The following PTPN13 variants were observed in gnomAD, a reference collection of about 807,000 sequenced individuals.
PTPN13 encodes the protein tyrosine-protein phosphatase non-receptor type 13.
In PTPN13, 191 loss-of-function variants were observed where a neutral mutation model predicts 284.0. The ratio of observed to expected loss-of-function variants is 0.67; its 90% CI spans 0.60 to 0.76. The LOEUF (loss-of-function observed/expected upper bound fraction) is 0.76. PTPN13 is among the 30% of genes least tolerant of loss of function. The pLI is 0.00. For synonymous variants in PTPN13, 986 were observed against 1,022.3 expected (o/e 0.96, Z 0.68); for missense variants, 2,797 against 2,939.9 (o/e 0.95, Z 1.12).
chr4:86,804,796 T>C (rs1744478538), intron 43 of PTPN13, among the ~76,000 whole-genome samples: 1 of 152,218 alleles, frequency 6.6e-6, no homozygotes, highest in African/African-American at 2.4e-5. Flanking sequence ...ACCTTGCATA[T>C]AATGAGCATG....
chr4:86,659,876 G>A (rs183652818), intron 2 of PTPN13, among the ~76,000 whole-genome samples: 7 of 151,644 alleles, frequency 4.6e-5, no homozygotes, highest in South Asian at 2.1e-4. Context: ...AAAGCCACAC[G>A]TGCCTGATAG....
At chr4:86,658,089 T>C (rs1726064020) in intron 2 of PTPN13, among the ~76,000 whole-genome samples, 2 of 152,236 alleles carry the variant, frequency 1.3e-5, no homozygotes, top group Admixed American at 6.5e-5. Context: ...TTTAGTCAGC[T>C]GGTGGGGAAG....
chr4:86,594,508 G>A lies in PTPN13; in HGVS notation c.-287G>A. ...CTTGGAGAGGCGTCGAGCACAGTAG[G>A]GCGGCGGGGGTGCGTTGAGCGCTCG... On this transcript the variant is annotated 5_prime_UTR_variant, in exon 1 of 48. Coordinates refer to ENST00000411767, the MANE Select transcript of PTPN13 (RefSeq NM_080683.3). 6.5e-6 allele frequency: 1 copy of A among 152,674 alleles called. No individual in the cohort carries two copies. Among genetic ancestry groups the A allele is most frequent in the Non-Finnish European group, 1.5e-5 (1 of 68,232 alleles). The allele number at this position is 152,674 out of a possible 1,614,324, so 9.5% of individuals were successfully genotyped here.
chr4:86,709,918 A>T (rs950658131), intron 7 of PTPN13, among the ~76,000 whole-genome samples: 1 of 152,168 alleles, frequency 6.6e-6, no homozygotes, highest in Non-Finnish European at 1.5e-5. Flanking sequence ...TTCTTTACTT[A>T]CATACATTCA....
intron 2 of PTPN13, among the ~76,000 whole-genome samples, chr4:86,661,353 C>T (rs1439690315): frequency 1.3e-5 from 2 of 152,004 alleles, no homozygotes; most frequent in Admixed American, 6.6e-5. Flanking sequence ...TATCTTTTCT[C>T]CAATATAGAA....
rs78329710 is a variant in PTPN13 at position 86,691,526 on chromosome 4, G to A, written c.547-2061G>A. Among the ~76,000 whole-genome samples the A allele has an allele frequency of 2.7e-3, 407 of 152,242 alleles. 1 individual carries two copies. Among genetic ancestry groups the A allele is most frequent in the Non-Finnish European group, 4.6e-3 (314 of 68,014 alleles). On this transcript the variant is annotated intron_variant, in intron 5 of 47. Coordinates refer to ENST00000411767, the MANE Select transcript of PTPN13 (RefSeq NM_080683.3). ...TTCCTCATCTCCTAGACATCACTGG[G>A]TAGAAGTAACTCCAACAGCTACTGT...
rs1435286043 is a variant in PTPN13 at position 86,689,267 on chromosome 4, C to G, written c.546+77C>G. On this transcript the variant is annotated intron_variant, in intron 5 of 47. Transcript: ENST00000411767. ...TATCACAAAATTTTCTTTAAGGATA[C>G]TATATAGGTAGCATTTTCTCAATGA... The G allele has an allele frequency of 5.4e-5, 64 of 1,178,824 alleles. No homozygotes were observed. In the Middle Eastern group the frequency reaches 8.2e-4, roughly 15 times the overall value. 73.0% of individuals were successfully genotyped at this position (1,178,824 alleles called of 1,614,324 possible).
chr4:86,643,691 A>T (rs965732760), intron 2 of PTPN13, among the ~76,000 whole-genome samples: 1 of 152,198 alleles, frequency 6.6e-6, no homozygotes, highest in African/African-American at 2.4e-5. Context: ...CACTTCTTTT[A>T]TTTATGGAAT....
At chr4:86,655,803 G>T (rs531184197) in intron 2 of PTPN13, among the ~76,000 whole-genome samples, 1 of 152,088 alleles carries the variant, frequency 6.6e-6, no homozygotes, top group African/African-American at 2.4e-5. Flanking sequence ...TGCTAGGTTG[G>T]GGAAGTTCTC....
intron 9 of PTPN13, among the ~76,000 whole-genome samples, chr4:86,718,306 C>T (rs931914815): frequency 1.3e-5 from 2 of 152,154 alleles, no homozygotes; most frequent in African/African-American, 4.8e-5. Flanking sequence ...TGCCCCTTAG[C>T]TAATTAATTC....
chr4:86,675,287 C>T (rs1343114075), intron 3 of PTPN13, among the ~76,000 whole-genome samples: 4 of 152,100 alleles, frequency 2.6e-5, no homozygotes, highest in Non-Finnish European at 5.9e-5. Flanking sequence ...CCTCATGCCT[C>T]AAAATCTTAA....
In PTPN13 at chr4:86,751,114, A is replaced by G. The variant is rs1401756471; in HGVS notation, c.3156A>G (p.Ala1052=). The G allele has an allele frequency of 8.8e-6, 14 of 1,593,070 alleles. No homozygotes were observed. Among genetic ancestry groups the G allele is most frequent in the South Asian group, 1.1e-5 (1 of 90,244 alleles). The part of the protein sequence containing the change: ...DSSSIEDPGQ[A]YVLGMTMHSS... ...CATCCATTGAAGACCCTGGGCAAGC[A>G]TATGTTCTAGGTCAGCAAAAACAAG... The change falls in exon 19 of 48, where the codon GCA becomes GCG. Residue 1052 remains alanine (A), a synonymous_variant. Transcript: ENST00000411767.
chr4:86,722,049 T>C (rs1733728628), intron 9 of PTPN13, among the ~76,000 whole-genome samples, 163 bp from the exon 10 acceptor site: 1 of 152,080 alleles, frequency 6.6e-6, no homozygotes, highest in Admixed American at 6.6e-5. Context: ...GCCCAGCCTA[T>C]ATATTTCTTC....
chr4:86,782,715 G>T (rs556098474), intron 37 of PTPN13, among the ~76,000 whole-genome samples: 1 of 152,228 alleles, frequency 6.6e-6, no homozygotes, highest in Non-Finnish European at 1.5e-5. Flanking sequence ...TAAAAAGTAG[G>T]TTTACTTGCT....
intron 20 of PTPN13, among the ~76,000 whole-genome samples, chr4:86,757,430 G>A: frequency 6.6e-6 from 1 of 152,076 alleles, no homozygotes; most frequent in East Asian, 1.9e-4. Flanking sequence ...AAGATCCTTT[G>A]AGAGTACATG....
chr4:86,672,049 C>T (rs576872651), intron 2 of PTPN13, among the ~76,000 whole-genome samples: 2 of 152,262 alleles, frequency 1.3e-5, no homozygotes, highest in South Asian at 2.1e-4. Flanking sequence ...CTATATGTCA[C>T]GTTGATAAAA....
chr4:86,610,710 G>C (rs112998087), intron 1 of PTPN13, among the ~76,000 whole-genome samples: 82 of 152,174 alleles, frequency 5.4e-4, no homozygotes, highest in Non-Finnish European at 7.9e-4. Flanking sequence ...TTTTGCAAAT[G>C]TGGTGTAGGC....
chr4:86,768,065 C>A, intron 28 of PTPN13, 89 bp downstream of exon 28: 2 of 1,207,790 alleles, frequency 1.7e-6, no homozygotes, highest in Non-Finnish European at 2.3e-6. Context: ...ACAGTTAATG[C>A]CCTAGTTTTG....
intron 5 of PTPN13, among the ~76,000 whole-genome samples, chr4:86,691,913 C>T (rs1730066539): frequency 6.6e-6 from 1 of 152,118 alleles, no homozygotes; most frequent in Non-Finnish European, 1.5e-5. Context: ...GCTTACTTGT[C>T]TAGGTTTTTC....
Sources: gnomAD v4.1 joint callset for allele counts (sites outside exome capture counted in the v4.1 genomes callset) on GRCh38, gnomAD v4.1.1 for gene constraint, MANE v1.5 for transcripts, NCBI Gene and HGNC (gene_info 2026-07-23, HGNC 2026-07-21) for gene names.